PPP1R9A: variants seen among roughly 807,000 people sequenced by gnomAD.
The protein encoded by PPP1R9A is protein phosphatase 1 regulatory subunit 9A.
A neutral mutation model predicts 141.9 loss-of-function variants in PPP1R9A; 59 were observed. The observed-to-expected ratio is 0.42, with a 90% CI of 0.34 to 0.52. The LOEUF is 0.52. Among genes scored for constraint, PPP1R9A ranks in the 20% least tolerant of loss-of-function variants. The pLI is 0.10. For synonymous variants in PPP1R9A, 500 were observed against 569.7 expected, an observed-to-expected ratio of 0.88 and a Z score of 1.74; for missense variants, 1,444 against 1,611.9, an observed-to-expected ratio of 0.90 and a Z score of 1.78.
Position 94,914,807 on chromosome 7 carries a change from C to A in PPP1R9A, c.1395+3299C>A, listed in dbSNP as rs543035589. On this transcript the variant is annotated intron_variant, in intron 2 of 19. Coordinates refer to ENST00000433360, the MANE Select transcript of PPP1R9A (RefSeq NM_001166160.2). ...TGTGTCAGGGACAATGCAAATATAA[C>A]AAATACAACAAATACATAAAATGAG... 3.3e-5 allele frequency among the ~76,000 whole-genome samples: 5 copies of A among 152,140 alleles called. No individual in the cohort carries two copies. The South Asian group carries it at 1.0e-3, about 32-fold the overall frequency.
intron 4 of PPP1R9A, among the ~76,000 whole-genome samples, chr7:95,122,675 T>C (rs573704270): frequency 6.6e-6 from 1 of 152,346 alleles, no homozygotes; most frequent in Admixed American, 6.5e-5. Flanking sequence ...TTCAGCTGTC[T>C]ACATTTAAAA....
intron 2 of PPP1R9A, among the ~76,000 whole-genome samples, chr7:95,105,908 G>A (rs1248054895): frequency 6.6e-6 from 1 of 152,068 alleles, no homozygotes; most frequent in Non-Finnish European, 1.5e-5. Context: ...CAGTTATGCA[G>A]ATTTTTGCTT....
rs1180086114 is a variant in PPP1R9A, at chr7:95,109,089, A to G, written c.1396-2170A>G. The G allele has an allele frequency of 5.3e-5, 8 of 152,340 alleles. No homozygotes were observed. The East Asian group carries it at 1.5e-3, about 29-fold the overall frequency. 9.4% of individuals were successfully genotyped at this position (152,340 alleles called of 1,614,324 possible). On this transcript the variant is annotated intron_variant, in intron 2 of 19. Transcript: ENST00000433360. ...TTCTATAGGCATTTTCCATTGCAGT[A>G]CACTCAACTATCAATGTTTTCCAAA... is the stretch of plus-strand genomic sequence containing the variant.
chr7:95,137,206 G>C (rs1405543472), intron 4 of PPP1R9A, among the ~76,000 whole-genome samples: 1 of 151,338 alleles, frequency 6.6e-6, no homozygotes, highest in Admixed American at 6.6e-5. Context: ...TTTACATTAG[G>C]TATATCTCCT....
At chr7:95,064,293 T>C (rs1390082460) in intron 2 of PPP1R9A, among the ~76,000 whole-genome samples, 3 of 152,220 alleles carry the variant, frequency 2.0e-5, no homozygotes, top group Non-Finnish European at 4.4e-5. Context: ...AACTTTGAAC[T>C]CATGGCTAGT....
At chr7:95,271,445 A>C (rs1670819089) in intron 14 of PPP1R9A, among the ~76,000 whole-genome samples, 1 of 152,198 alleles carries the variant, frequency 6.6e-6, no homozygotes, top group Non-Finnish European at 1.5e-5. Flanking sequence ...CAAAACTATC[A>C]TGGGCTTCAC....
intron 2 of PPP1R9A, among the ~76,000 whole-genome samples, chr7:95,031,340 T>C (rs1178101949): frequency 6.6e-6 from 1 of 152,190 alleles, no homozygotes; most frequent in Admixed American, 6.5e-5. Context: ...TAAGTAAAAA[T>C]ATAAGTTCTG....
intron 5 of PPP1R9A, among the ~76,000 whole-genome samples, chr7:95,187,296 C>G (rs1834790817): frequency 6.6e-6 from 1 of 152,000 alleles, no homozygotes; most frequent in Admixed American, 6.6e-5. Flanking sequence ...TTTCTAGATT[C>G]ATGCATAAAG....
intron 2 of PPP1R9A, 45 bp from the exon 3 acceptor site, chr7:95,111,212 GTT>G (rs759836663): frequency 2.2e-4 from 273 of 1,250,240 alleles, no homozygotes; most frequent in South Asian, 5.7e-4. Flanking sequence ...TACCTGGCAG[GTT>G]TTTTTTTTTT....
intron 14 of PPP1R9A, among the ~76,000 whole-genome samples, chr7:95,272,878 GA>G (rs1287891789): frequency 1.3e-5 from 2 of 152,148 alleles, no homozygotes; most frequent in Non-Finnish European, 2.9e-5. Context: ...ATAAGAGACA[GA>G]AAAACAGATA....
At chr7:94,996,305 C>G (rs76865204) in intron 2 of PPP1R9A, among the ~76,000 whole-genome samples, 1 of 151,920 alleles carries the variant, frequency 6.6e-6, no homozygotes, top group African/African-American at 2.4e-5. Context: ...GCATAAAAGA[C>G]GTTGATAAAT....
intron 2 of PPP1R9A, among the ~76,000 whole-genome samples, chr7:94,933,831 T>A (rs1794450977): frequency 6.6e-6 from 1 of 152,162 alleles, no homozygotes; most frequent in Non-Finnish European, 1.5e-5. Context: ...AGCCTGTGTT[T>A]ACTGATGTAA....
At chr7:94,943,975 C>T (rs1316132824) in intron 2 of PPP1R9A, among the ~76,000 whole-genome samples, 2 of 152,008 alleles carry the variant, frequency 1.3e-5, no homozygotes, top group African/African-American at 4.8e-5. Context: ...TTACCTCATG[C>T]TATCTGTGTG....
intron 2 of PPP1R9A, among the ~76,000 whole-genome samples, chr7:95,109,684 A>C (rs530700387): frequency 1.3e-5 from 2 of 151,822 alleles, no homozygotes; most frequent in Non-Finnish European, 2.9e-5. Flanking sequence ...CTAAAAAAAA[A>C]TTTTTTTTAA....
At chr7:95,008,234 G>C (rs1297553440) in intron 2 of PPP1R9A, among the ~76,000 whole-genome samples, 1 of 152,118 alleles carries the variant, frequency 6.6e-6, no homozygotes, top group Non-Finnish European at 1.5e-5. Flanking sequence ...GTTGTAGTTT[G>C]ATGGTACTCT....
intron 17 of PPP1R9A, 63 bp downstream of exon 17, chr7:95,284,393 A>C (rs1283147858): frequency 7.6e-7 from 1 of 1,320,002 alleles, no homozygotes; most frequent in Non-Finnish European, 1.0e-6. Context: ...AGCCTCATTT[A>C]ACTACCACCT....
chr7:94,999,959 G>A (rs1584204248), intron 2 of PPP1R9A, among the ~76,000 whole-genome samples: 1 of 151,822 alleles, frequency 6.6e-6, no homozygotes, highest in African/African-American at 2.4e-5. Context: ...CTGCCACCAC[G>A]CCAGGCTAAT....
intron 4 of PPP1R9A, among the ~76,000 whole-genome samples, chr7:95,151,939 A>ATTTTTTT (rs1563319181): frequency 1.6e-4 from 19 of 116,090 alleles, no homozygotes; most frequent in East Asian, 2.8e-4. Flanking sequence ...AGTACTGAGA[A>ATTTTTTT]TCTTTTTTTT....
At chr7:95,031,864 A>T (rs1439536563) in intron 2 of PPP1R9A, among the ~76,000 whole-genome samples, 1 of 152,186 alleles carries the variant, frequency 6.6e-6, no homozygotes, top group Non-Finnish European at 1.5e-5. Flanking sequence ...AGATAACCTT[A>T]AATTATTTCA....
Sources: gnomAD v4.1 joint callset for allele counts (sites outside exome capture counted in the v4.1 genomes callset) on GRCh38, gnomAD v4.1.1 for gene constraint, MANE v1.5 for transcripts, NCBI Gene and HGNC (gene_info 2026-07-23, HGNC 2026-07-21) for gene names.